Variants in EPB42 observed in about 807,000 individuals in gnomAD.
EPB42 encodes erythrocyte membrane protein band 4.2.
EPB42 carries 49 observed loss-of-function variants against 76.9 expected under a neutral mutation model. That is an observed-to-expected ratio of 0.64 (90% CI 0.51 to 0.81). The LOEUF is 0.81. Ranked by LOEUF, EPB42 falls within the 30% of genes least tolerant of loss-of-function variation. EPB42 has a pLI of 0.00. For synonymous variants in EPB42, 310 were observed against 338.4 expected (o/e 0.92, Z 0.92); for missense variants, 731 against 867.6 (o/e 0.84, Z 1.98).
chr15:43,218,225 T>C (rs891002044), intron 1 of EPB42, among the ~76,000 whole-genome samples: 1 of 152,176 alleles, frequency 6.6e-6, no homozygotes, highest in Non-Finnish European at 1.5e-5. Context: ...CTGGTTGAGT[T>C]GGATTGGATG....
intron 2 of EPB42, among the ~76,000 whole-genome samples, chr15:43,215,784 C>A (rs1368284422): frequency 2.6e-5 from 4 of 152,210 alleles, no homozygotes; most frequent in African/African-American, 9.7e-5. Context: ...GCAACCTCCA[C>A]CTCCTGGGTT....
At chr15:43,219,062 G>T (rs139487843) in intron 1 of EPB42, among the ~76,000 whole-genome samples, 1 of 152,156 alleles carries the variant, frequency 6.6e-6, no homozygotes, top group African/African-American at 2.4e-5. Context: ...CGACTGGCTG[G>T]GGGGAGGGGG....
At chr15:43,209,039 G>T (rs535103708) in intron 6 of EPB42, among the ~76,000 whole-genome samples, 1 of 152,222 alleles carries the variant, frequency 6.6e-6, no homozygotes, top group African/African-American at 2.4e-5. Context: ...CTAGGGCAGG[G>T]TTAGGGAAGT....
At chr15:43,210,870 C>T (rs189868676) in intron 4 of EPB42, among the ~76,000 whole-genome samples, 1 of 152,282 alleles carries the variant, frequency 6.6e-6, no homozygotes, top group East Asian at 1.9e-4. Context: ...GCAGTGCAGC[C>T]CCTTAGATTA....
Position 43,209,569 on chromosome 15 carries a change from A to G in EPB42, c.655-118T>C, listed in dbSNP as rs548365125. 7.8e-6 allele frequency: 9 copies of G among 1,150,932 alleles called. No individual in the cohort carries two copies. In the Admixed American group the frequency reaches 1.1e-4, roughly 14 times the overall value. The allele number at this position is 1,150,932 out of a possible 1,614,324, so 71.3% of individuals were successfully genotyped here. A position where few individuals can be genotyped will look rare whatever the true frequency, so the allele number is the denominator to read the frequency against. The stretch of plus-strand genomic sequence containing the variant: ...CCATGGTGAACAGATCCCCAGCATT[A>G]GAGCCACCTGGTACTGGTTAAACCT... On this transcript the variant is annotated intron_variant, in intron 5 of 12. Coordinates refer to ENST00000441366, the MANE Select transcript of EPB42 (RefSeq NM_001114134.2).
Position 43,215,219 on chromosome 15 carries a change from C to A in EPB42, c.306G>T (p.Trp102Cys). The change falls in exon 3 of 13, where the codon TGG becomes TGT. Residue 102 changes from tryptophan (W) to cysteine (C), a missense_variant. Physicochemically the swap from Trp to Cys is radical, Grantham distance 215. Coordinates refer to ENST00000441366, the MANE Select transcript of EPB42 (RefSeq NM_001114134.2). ...CCGCAGGTGTGGTCACAGAGATGGT[C>A]CAGGACTGGGCATCTCTCTCCTCCA... ...AVVEERDAQS[W>C]TISVTTPADA... The A allele has an allele frequency of 6.2e-7, 1 of 1,614,180 alleles. No homozygotes were observed.
chr15:43,203,895 G>A (rs1005162174), intron 10 of EPB42, among the ~76,000 whole-genome samples: 1 of 152,170 alleles, frequency 6.6e-6, no homozygotes, highest in Non-Finnish European at 1.5e-5. Context: ...TGCATATAAA[G>A]CACTTAACAC....
chr15:43,213,954 T>C (rs1248734487), intron 3 of EPB42, among the ~76,000 whole-genome samples: 1 of 152,154 alleles, frequency 6.6e-6, no homozygotes, highest in East Asian at 1.9e-4. Context: ...GGGCCAGACA[T>C]GAGGCCAGGC....
upstream of EPB42, chr15:43,221,062 A>T (rs2142334631): frequency 1.8e-6 from 1 of 546,156 alleles, no homozygotes; most frequent in South Asian, 2.0e-5. Flanking sequence ...ACTGGGAGTA[A>T]CCCTGTTCAT....
In EPB42 at chr15:43,211,524, C is replaced by T. The variant is rs1205109556; in HGVS notation, c.441G>A (p.Val147=). The change falls in exon 4 of 13, where the codon GTG becomes GTA. Residue 147 remains valine, a synonymous_variant. Coordinates refer to ENST00000441366, the MANE Select transcript of EPB42 (RefSeq NM_001114134.2). ...LFNPWNREDA[V]FLKNEAQRME... ...TGCGCTGAGCCTCATTCTTCAGGAA[C>T]ACAGCATCCTCTGGTGAGAGGTGGG... is the stretch of plus-strand genomic sequence containing the variant. The T allele has an allele frequency of 6.2e-7, 1 of 1,612,478 alleles. No homozygotes were observed. The highest frequency in any genetic ancestry group is 8.5e-7 in the Non-Finnish European group (1 of 1,178,600).
At chr15:43,214,445 G>T in intron 3 of EPB42, among the ~76,000 whole-genome samples, 1 of 152,160 alleles carries the variant, frequency 6.6e-6, no homozygotes, top group Admixed American at 6.5e-5. Flanking sequence ...GGTCTGGAGA[G>T]CGCCCAGCAA....
At chr15:43,210,271 C>T in intron 5 of EPB42, 64 bp downstream of exon 5, 2 of 1,421,782 alleles carry the variant, frequency 1.4e-6, no homozygotes, top group Non-Finnish European at 2.0e-6. Flanking sequence ...GGTGGTGGGG[C>T]AGGTCTCTCA....
chr15:43,216,591 T>G, intron 1 of EPB42, 138 bp from the exon 2 acceptor site: 2 of 852,432 alleles, frequency 2.3e-6, no homozygotes, highest in Admixed American at 4.2e-5. Context: ...CCCAGGCAAG[T>G]AACTTAACCA....
upstream of EPB42, among the ~76,000 whole-genome samples, chr15:43,222,881 T>A (rs553440034): frequency 1.3e-5 from 2 of 152,216 alleles, no homozygotes; most frequent in Admixed American, 1.3e-4. Flanking sequence ...ATTCTTAAAG[T>A]AATAGAAGAA....
intron 1 of EPB42, among the ~76,000 whole-genome samples, chr15:43,217,935 C>T (rs1567284103): frequency 1.3e-5 from 2 of 152,090 alleles, no homozygotes. Flanking sequence ...CTATTTAGGG[C>T]AAAAGAACTG....
In EPB42 at chr15:43,209,469, T is replaced by C; in HGVS notation, c.655-18A>G. On this transcript the variant is annotated intron_variant, in intron 5 of 12. Coordinates refer to ENST00000441366, the MANE Select transcript of EPB42 (RefSeq NM_001114134.2). Reference sequence around the variant, plus strand: ...AAATGCAGCTGTTTGGGGAAATGTGTGGATGTCAGTATGAGTCCCTTGGGC... The same window carrying C: ...AAATGCAGCTGTTTGGGGAAATGTGCGGATGTCAGTATGAGTCCCTTGGGC... The C allele has an allele frequency of 1.2e-6, 2 of 1,604,490 alleles. No individual in the cohort carries two copies. Among genetic ancestry groups the C allele is most frequent in the South Asian group, 1.1e-5 (1 of 89,514 alleles).
upstream of EPB42, among the ~76,000 whole-genome samples, chr15:43,223,842 T>G (rs2042483898): frequency 6.6e-6 from 1 of 152,154 alleles, no homozygotes; most frequent in Non-Finnish European, 1.5e-5. Context: ...GACATGGTGG[T>G]GGGTGCCTGT....
intron 12 of EPB42, among the ~76,000 whole-genome samples, chr15:43,198,040 T>C (rs529453708): frequency 6.6e-6 from 1 of 152,348 alleles, no homozygotes; most frequent in African/African-American, 2.4e-5. Flanking sequence ...TCCCCAGCCA[T>C]GTGGAACTGT....
upstream of EPB42, among the ~76,000 whole-genome samples, chr15:43,223,420 TAAGAA>T (rs1041837154): frequency 6.6e-6 from 1 of 151,926 alleles, no homozygotes. Context: ...TATAAATCAA[TAAGAA>T]AAGAATAACA....
Sources: allele counts gnomAD v4.1 joint callset (sites outside exome capture counted in the v4.1 genomes callset), GRCh38; gene constraint gnomAD v4.1.1; transcripts MANE v1.5; gene names NCBI Gene and HGNC (gene_info 2026-07-23, HGNC 2026-07-21).